Variants in PLS3 observed in about 807,000 individuals in gnomAD.
PLS3 encodes plastin 3, also known as plastin-3.
In PLS3, 11 loss-of-function variants were observed where a neutral mutation model predicts 46.5. The ratio of observed to expected loss-of-function variants is 0.24; its 90% confidence interval spans 0.15 to 0.39. PLS3 has a LOEUF of 0.39. Among genes scored for constraint, PLS3 ranks in the 10% least tolerant of loss-of-function variants. The pLI, the probability that PLS3 is intolerant of heterozygous loss-of-function variation, is 1.00. For synonymous variants in PLS3, 167 were observed against 162.2 expected (o/e 1.03, Z -0.22); for missense variants, 308 against 461.8 (o/e 0.67, Z 3.05).
At chrX:115,617,488 T>A (rs2074608564) in intron 2 of PLS3, among the ~76,000 whole-genome samples, 2 of 112,403 alleles carry the variant, frequency 1.8e-5, no homozygotes, top group South Asian at 7.4e-4. Flanking sequence ...TCTAAAATGC[T>A]CATCTAGGAT....
At chrX:115,564,948 A>G (rs2074163278) in intron 1 of PLS3, among the ~76,000 whole-genome samples, 1 of 112,019 alleles carries the variant, frequency 8.9e-6, no homozygotes, top group African/African-American at 3.2e-5. Context: ...AAAATAATAC[A>G]ACTCATTTAG....
intron 1 of PLS3, among the ~76,000 whole-genome samples, chrX:115,593,257 C>G (rs2074357613): frequency 9.1e-6 from 1 of 109,290 alleles, no homozygotes; most frequent in Non-Finnish European, 1.9e-5. Flanking sequence ...ACTGTTCAAA[C>G]TCTAAATAGG....
intron 1 of PLS3, among the ~76,000 whole-genome samples, chrX:115,580,642 T>C (rs1556631731): frequency 8.9e-6 from 1 of 111,857 alleles, no homozygotes; most frequent in African/African-American, 3.2e-5. Context: ...TAAGGCTTGT[T>C]CCTTTCCATG....
chrX:115,624,281 A>G (rs2074689123), intron 3 of PLS3: 1 of 107,731 alleles, frequency 9.3e-6, no homozygotes, highest in Non-Finnish European at 1.9e-5. Context: ...TTATAATGAT[A>G]TCGTTCCTGC....
In PLS3 at chrX:115,571,508, A is replaced by G. The variant is rs1338302184; in HGVS notation, c.-9+10248A>G. On this transcript the variant is annotated intron_variant, in intron 1 of 15. Transcript: ENST00000355899. ...CCTCCAGCCTGGGTGACAGAGCAAG[A>G]CTCTGGAAAAAAAAAAAAAAGAAAA... is the stretch of plus-strand genomic sequence containing the variant. Among the ~76,000 whole-genome samples, 28 of 70,471 alleles carry G rather than the reference A, an allele frequency of 4.0e-4. 1 individual carries two copies. The highest frequency in any genetic ancestry group is 1.6e-3 in the African/African-American group (25 of 15,309). 61.2% of individuals were successfully genotyped at this position (70,471 alleles called of 115,157 possible). A position where few individuals can be genotyped will look rare whatever the true frequency, so the allele number is the denominator to read the frequency against.
At chrX:115,607,423 G>A (rs2074504297) in intron 1 of PLS3, among the ~76,000 whole-genome samples, 2 of 111,161 alleles carry the variant, frequency 1.8e-5, no homozygotes, top group African/African-American at 6.5e-5. Flanking sequence ...GTGGCATCTT[G>A]ATATCATACA....
intron 2 of PLS3, among the ~76,000 whole-genome samples, chrX:115,611,364 T>C (rs1323071258): frequency 2.7e-5 from 3 of 112,779 alleles, no homozygotes; most frequent in East Asian, 2.8e-4. Context: ...TGTGTGTGTG[T>C]ATAAAAATAG....
At chrX:115,619,785 G>A (rs1183227528) in intron 2 of PLS3, among the ~76,000 whole-genome samples, 2 of 112,460 alleles carry the variant, frequency 1.8e-5, no homozygotes, top group African/African-American at 6.5e-5. Flanking sequence ...GAGGCAGGAG[G>A]ATTGCTTGAG....
At position 115,608,601 on chromosome X, in the gene PLS3, G is replaced by C. The variant is rs926580937; in HGVS notation, c.-8-1642G>C. Among the ~76,000 whole-genome samples the C allele has an allele frequency of 4.5e-5, 5 of 112,095 alleles. No homozygotes were observed. In the South Asian group the frequency reaches 1.9e-3, roughly 42 times the overall value. On this transcript the variant is annotated intron_variant, in intron 1 of 15. Coordinates refer to ENST00000355899, the MANE Select transcript of PLS3 (RefSeq NM_005032.7). The stretch of plus-strand genomic sequence containing the variant: ...TCAATGACTGATCGAATGTATGATA[G>C]TAGTCGCATAAGATTATAATACTAT...
intron 1 of PLS3, among the ~76,000 whole-genome samples, chrX:115,605,563 C>G: frequency 9.0e-6 from 1 of 111,422 alleles, no homozygotes; most frequent in Non-Finnish European, 1.9e-5. Context: ...TCAATCGGTC[C>G]TCCCACCTCA....
rs1237397011 is a variant in PLS3 at position 115,636,780 on chromosome X, G to A, written c.749-56G>A. The A allele has an allele frequency of 6.6e-6, 7 of 1,067,119 alleles. No individual in the cohort carries two copies. The East Asian group carries it at 1.2e-4, about 18-fold the overall frequency. 87.9% of individuals were successfully genotyped at this position (1,067,119 alleles called of 1,213,427 possible). ...AGTGTCAAAAGACTGAATGAACTTGGCATGACCATTATTGTGTCATATAAT... is the reference window on the plus strand; with the variant it reads ...AGTGTCAAAAGACTGAATGAACTTGACATGACCATTATTGTGTCATATAAT... On this transcript the variant is annotated intron_variant, in intron 7 of 15. Coordinates refer to ENST00000355899, the MANE Select transcript of PLS3 (RefSeq NM_005032.7).
chrX:115,566,015 A>T (rs1442919173), intron 1 of PLS3, among the ~76,000 whole-genome samples: 1 of 112,307 alleles, frequency 8.9e-6, no homozygotes, highest in Non-Finnish European at 1.9e-5. Flanking sequence ...CTGTGGTCAT[A>T]TCTGGGTTTC....
intron 1 of PLS3, among the ~76,000 whole-genome samples, chrX:115,580,257 C>T (rs1473406480): frequency 3.6e-5 from 4 of 111,910 alleles, no homozygotes; most frequent in Non-Finnish European, 7.5e-5. Flanking sequence ...GTGTCATGTC[C>T]GAGAACTCTT....
chrX:115,569,479 T>G (rs939245988), intron 1 of PLS3, among the ~76,000 whole-genome samples: 3 of 111,826 alleles, frequency 2.7e-5, no homozygotes, highest in Non-Finnish European at 5.6e-5. Flanking sequence ...TAAACTACAG[T>G]TAAACTCAGA....
intron 6 of PLS3, 58 bp downstream of exon 6, chrX:115,634,139 C>T: frequency 1.5e-6 from 1 of 665,422 alleles, no homozygotes; most frequent in Non-Finnish European, 2.4e-6. Context: ...ACCTGTTCTG[C>T]AGACTTCAGC....
intron 5 of PLS3, among the ~76,000 whole-genome samples, chrX:115,630,893 T>C (rs868937135): frequency 5.2e-5 from 5 of 96,076 alleles, no homozygotes; most frequent in Non-Finnish European, 8.1e-5. Flanking sequence ...ATATGTATAA[T>C]ATATGTATAT....
chrX:115,649,651 C>A lies in PLS3; in HGVS notation c.*90C>A. ...GGTGAAGTGCTTATGGCTTAAGGAACTCTTGGCCATTCAAAGGACTTTTCA... is the reference window on the plus strand; with the variant it reads ...GGTGAAGTGCTTATGGCTTAAGGAAATCTTGGCCATTCAAAGGACTTTTCA... On this transcript the variant is annotated 3_prime_UTR_variant, in exon 16 of 16. Transcript: ENST00000355899. The A allele has an allele frequency of 1.2e-6, 1 of 850,927 alleles. No homozygotes were observed. The highest frequency in any genetic ancestry group is 1.6e-6 in the Non-Finnish European group (1 of 606,728). 70.1% of individuals were successfully genotyped at this position (850,927 alleles called of 1,213,427 possible).
Position 115,649,776 on chromosome X carries a change from A to T in PLS3, c.*215A>T, listed in dbSNP as rs2147596745. 3.2e-6 allele frequency: 1 copy of T among 308,126 alleles called. No homozygotes were observed. Among genetic ancestry groups the T allele is most frequent in the South Asian group, 1.1e-4 (1 of 9,170 alleles). 25.4% of individuals were successfully genotyped at this position (308,126 alleles called of 1,213,427 possible). On this transcript the variant is annotated 3_prime_UTR_variant, in exon 16 of 16. Coordinates refer to ENST00000355899, the MANE Select transcript of PLS3 (RefSeq NM_005032.7). ...ATAGTCAGAGTTGAATTTGTCAGGC[A>T]CGCCTGAAATGTGCTCATAGCCAAA...
At chrX:115,622,499 T>C in intron 3 of PLS3, 90 bp downstream of exon 3, 1 of 526,616 alleles carries the variant, frequency 1.9e-6, no homozygotes, top group Non-Finnish European at 3.1e-6. Flanking sequence ...TTATGTTAAG[T>C]TCTTAAATAT....
Sources: allele counts gnomAD v4.1 joint callset (sites outside exome capture counted in the v4.1 genomes callset), GRCh38; gene constraint gnomAD v4.1.1; transcripts MANE v1.5; gene names NCBI Gene and HGNC (gene_info 2026-07-23, HGNC 2026-07-21).